L3MBTL1: variants seen among roughly 807,000 people sequenced by gnomAD.
L3MBTL1 encodes lethal(3)malignant brain tumor-like protein 1.
Under a neutral mutation model 105.3 loss-of-function variants are expected in L3MBTL1, and 75 were observed. The observed-to-expected ratio is 0.71, with a 90% CI of 0.59 to 0.86. The LOEUF (loss-of-function observed/expected upper bound fraction) is 0.86, where lower values mean the gene tolerates loss of function less well. Among genes scored for constraint, L3MBTL1 ranks in the 40% least tolerant of loss-of-function variants. The probability of loss-of-function intolerance (pLI) is 0.00; values close to 1 mark genes in which losing one functional copy is unlikely to be tolerated. For missense variants in L3MBTL1, 1,069 were observed against 1,126.4 expected, an observed-to-expected ratio of 0.95 and a Z score of 0.73; for synonymous variants, 452 against 436.2, an observed-to-expected ratio of 1.04 and a Z score of -0.45.
Position 43,533,381 on chromosome 20 carries a change from G to C in L3MBTL1, c.1476G>C (p.Trp492Cys). The change falls in exon 13 of 22, where the codon TGG (tryptophan) becomes TGC (cysteine). Residue 492 changes from tryptophan (W) to cysteine (C), a missense_variant. Trp to Cys is a radical substitution (Grantham distance 215, BLOSUM62 -2). Coordinates refer to ENST00000418998, the MANE Select transcript of L3MBTL1 (RefSeq NM_001377303.1). ...GCCCCTACATCCACCCAGTGGGCTG[G>C]TGCCAGAAGCAAGGAAAGCCCCTCA... ...PSSPYIHPVG[W>C]CQKQGKPLTP... The C allele has an allele frequency of 6.2e-7, 1 of 1,613,844 alleles. No homozygotes were observed.
chr20:43,529,765 A>G (rs769672380), intron 9 of L3MBTL1, among the ~76,000 whole-genome samples: 5 of 152,230 alleles, frequency 3.3e-5, no homozygotes, highest in Non-Finnish European at 5.9e-5. Context: ...TCTGAGGAGC[A>G]GCAAAAGCAT....
At chr20:43,530,976 G>C (rs2019307702) in intron 11 of L3MBTL1, 87 bp downstream of exon 11, 1 of 1,042,040 alleles carries the variant, frequency 9.6e-7, no homozygotes, top group African/African-American at 1.6e-5. Flanking sequence ...CATCAGAAGG[G>C]AGCTCATGTG....
chr20:43,512,603 A>C (rs902171402), intron 1 of L3MBTL1, among the ~76,000 whole-genome samples: 2 of 152,260 alleles, frequency 1.3e-5, no homozygotes, highest in African/African-American at 4.8e-5. Flanking sequence ...CAATAGCCAC[A>C]TGTGGCTAGT....
intron 7 of L3MBTL1, among the ~76,000 whole-genome samples, chr20:43,527,437 C>T (rs901004075): frequency 2.0e-5 from 3 of 152,160 alleles, no homozygotes; most frequent in East Asian, 1.9e-4. Flanking sequence ...GCTAGGACTC[C>T]ACCTCAGGTT....
intron 7 of L3MBTL1, among the ~76,000 whole-genome samples, chr20:43,521,850 G>T (rs1600912562): frequency 6.6e-6 from 1 of 152,234 alleles, no homozygotes; most frequent in African/African-American, 2.4e-5. Context: ...ACTGCACCTG[G>T]CTCCCCTTTT....
At chr20:43,548,219 A>G (rs1978758396) in exon 19 of L3MBTL1, 1 of 1,304,190 alleles carries the variant, frequency 7.7e-7, no homozygotes, top group Non-Finnish European at 1.0e-6. Flanking sequence ...TCTCATGTTC[A>G]AAAACGCTGA....
At chr20:43,544,536 G>A (rs1217411295), downstream of L3MBTL1, among the ~76,000 whole-genome samples, 1 of 152,114 alleles carries the variant, frequency 6.6e-6, no homozygotes, top group Non-Finnish European at 1.5e-5. Context: ...CCCTTACCTA[G>A]TCTCAGACTG....
At position 43,513,483 on chromosome 20, in the gene L3MBTL1, AGGATGGAGGGGCATGCTG is replaced by A. The variant is rs916753416; in HGVS notation, c.-2_16del. On this transcript the variant is annotated 5_prime_UTR_variant, in exon 2 of 22. It removes an upstream start codon present in the reference 5' UTR. Coordinates refer to ENST00000418998, the MANE Select transcript of L3MBTL1 (RefSeq NM_001377303.1). ...GCTATGTTTGGCTTGTAGGCCTGCC[AGGATGGAGGGGCATGCTG>A]GGATGGAGGGGCATGCTGAAATGGA... 4.7e-5 allele frequency: 73 copies of A among 1,549,202 alleles called. No individual in the cohort carries two copies. The highest frequency in any genetic ancestry group is 5.9e-5 in the Admixed American group (3 of 50,924).
intron 4 of L3MBTL1, 88 bp from the exon 5 acceptor site, chr20:43,514,921 G>T: frequency 6.6e-7 from 1 of 1,519,286 alleles, no homozygotes; most frequent in East Asian, 2.3e-5. Context: ...GATGGACCGA[G>T]GCGGAGGCAG....
At chr20:43,513,426 G>C in intron 1 of L3MBTL1, 50 bp from the exon 2 acceptor site, 1 of 1,498,074 alleles carries the variant, frequency 6.7e-7, no homozygotes, top group Non-Finnish European at 9.0e-7. Flanking sequence ...CATTGCTGCT[G>C]TAACAAAGGT....
Position 43,536,300 on chromosome 20 carries a change from G to A in L3MBTL1, c.2123+6G>A, listed in dbSNP as rs771634649. ...AAGCCTCGCCATCACGGCCGGTATG[G>A]AGGCCAGGGAATCAGGGCCCGGGCT... On this transcript the variant is annotated splice_donor_region_variant and intron_variant, in intron 18 of 21. Coordinates refer to ENST00000418998, the MANE Select transcript of L3MBTL1 (RefSeq NM_001377303.1). 1 of 1,612,594 alleles carries A rather than the reference G, an allele frequency of 6.2e-7. No homozygotes were observed. Among genetic ancestry groups the A allele is most frequent in the South Asian group, 1.1e-5 (1 of 91,050 alleles).
intron 1 of L3MBTL1, among the ~76,000 whole-genome samples, chr20:43,512,201 G>C (rs1351829827): frequency 6.6e-6 from 1 of 152,178 alleles, no homozygotes. Context: ...GGGTTAGAAG[G>C]CAATTTCAGA....
At chr20:43,535,545 A>G (rs1600950477) in intron 16 of L3MBTL1, among the ~76,000 whole-genome samples, 1 of 152,206 alleles carries the variant, frequency 6.6e-6, no homozygotes, top group African/African-American at 2.4e-5. Flanking sequence ...CTTCTAAGGT[A>G]TGGCTACACC....
downstream of L3MBTL1, among the ~76,000 whole-genome samples, chr20:43,546,419 G>A (rs145095969): frequency 1.1e-3 from 163 of 152,330 alleles, no homozygotes; most frequent in Non-Finnish European, 1.8e-3. Context: ...AAATTCTGTA[G>A]CCTGTCTGCC....
At chr20:43,530,046 A>G (rs1259633637) in intron 9 of L3MBTL1, among the ~76,000 whole-genome samples, 1 of 152,178 alleles carries the variant, frequency 6.6e-6, no homozygotes, top group Non-Finnish European at 1.5e-5. Context: ...AAAGGGCAGG[A>G]AGCTGTCATA....
chr20:43,510,760 T>A (rs1278247109), intron 1 of L3MBTL1, among the ~76,000 whole-genome samples: 1 of 150,280 alleles, frequency 6.7e-6, no homozygotes, highest in Non-Finnish European at 1.5e-5. Context: ...CTCTGTCACC[T>A]AGACCGGAGT....
rs780488350 is a variant in L3MBTL1, at chr20:43,529,250, C to G, written c.952-14C>G. The G allele has an allele frequency of 3.1e-6, 5 of 1,594,374 alleles. No individual in the cohort carries two copies. In the South Asian group the frequency reaches 5.7e-5, roughly 18 times the overall value. ...GGATGGAAGCTGGGTCCTCTCCACT[C>G]TGTGCGTTGACAGTCCCAGGCAGTC... On this transcript the variant is annotated splice_polypyrimidine_tract_variant and intron_variant, in intron 8 of 21. Transcript: ENST00000418998.
chr20:43,540,936 A>G lies in L3MBTL1; in HGVS notation c.2397A>G (p.Ala799=). 1 of 1,614,084 alleles carries G rather than the reference A, an allele frequency of 6.2e-7. No individual in the cohort carries two copies. The highest frequency in any genetic ancestry group is 8.5e-7 in the Non-Finnish European group (1 of 1,179,956). The change falls in exon 22 of 22, where the codon GCA becomes GCG. Residue 799 remains alanine, a splice_region_variant and synonymous_variant. Coordinates refer to ENST00000418998, the MANE Select transcript of L3MBTL1 (RefSeq NM_001377303.1). ...AGGGACCCGTGTTGCCCCACCAGGC[A>G]AGAATAGTCAGAGTGACCCATGTAT... ...EDQARLFKDE[A]RIVRVTHVSG... is the part of the protein sequence containing the mutation.
intron 3 of L3MBTL1, 102 bp downstream of exon 3, chr20:43,514,163 C>G: frequency 1.9e-6 from 2 of 1,068,464 alleles, no homozygotes; most frequent in South Asian, 2.9e-5. Context: ...GGGAAGCTGG[C>G]TCAGATGATG....
Sources: gnomAD v4.1 joint callset for allele counts (sites outside exome capture counted in the v4.1 genomes callset) on GRCh38, gnomAD v4.1.1 for gene constraint, MANE v1.5 for transcripts, NCBI Gene and HGNC (gene_info 2026-07-23, HGNC 2026-07-21) for gene names.